Variants in NIPSNAP2 observed in about 807,000 individuals in gnomAD.
NIPSNAP2 encodes nipsnap homolog 2, also known as protein NipSnap homolog 2.
NIPSNAP2 carries 42 observed loss-of-function variants against 48.4 expected under a neutral mutation model. That is an observed-to-expected ratio of 0.87 (90% CI 0.68 to 1.12). NIPSNAP2 has a LOEUF of 1.12. Among genes scored for constraint, NIPSNAP2 ranks in the 50% most tolerant of loss-of-function variants. NIPSNAP2 has a pLI of 0.00. For synonymous variants in NIPSNAP2, 158 were observed against 126.6 expected (o/e 1.25, Z -1.67); for missense variants, 314 against 347.3 (o/e 0.90, Z 0.76).
At chr7:55,988,619 C>G (rs999087275) in intron 7 of NIPSNAP2, among the ~76,000 whole-genome samples, 1 of 151,988 alleles carries the variant, frequency 6.6e-6, no homozygotes, top group Non-Finnish European at 1.5e-5. Flanking sequence ...CAGCACTTAA[C>G]GAGGCTGAGG....
rs1475103395 is a variant in NIPSNAP2 at position 55,964,670 on chromosome 7, G to A, written c.61G>A (p.Ala21Thr). 3.7e-5 allele frequency: 42 copies of A among 1,120,280 alleles called. No homozygotes were observed. The highest frequency in any genetic ancestry group is 5.0e-5 in the Admixed American group (1 of 20,056). The allele number at this position is 1,120,280 out of a possible 1,614,324, so 69.4% of individuals were successfully genotyped here. Residue 21 changes from alanine (A) to threonine (T), a missense_variant, in exon 1 of 10, where the codon GCG (alanine) becomes ACG (threonine). Coordinates refer to ENST00000322090, the MANE Select transcript of NIPSNAP2 (RefSeq NM_001483.3). Reference sequence around the variant, plus strand: ...CTGGGCCGGCGGCCTCCTGCAGCGGGCGGCCCCCTGCAGCCTCCTGCCCAG... The same window carrying A: ...CTGGGCCGGCGGCCTCCTGCAGCGGACGGCCCCCTGCAGCCTCCTGCCCAG... Reference protein sequence around the residue: ...AAWAGGLLQRAAPCSLLPRLR... With the variant: ...AAWAGGLLQRTAPCSLLPRLR...
intron 1 of NIPSNAP2, among the ~76,000 whole-genome samples, chr7:55,965,554 T>C (rs1483177039): frequency 2.0e-5 from 3 of 151,792 alleles, no homozygotes; most frequent in African/African-American, 7.3e-5. Context: ...AGTAACATGG[T>C]TTATTATTAT....
intron 9 of NIPSNAP2, among the ~76,000 whole-genome samples, chr7:55,998,019 G>T: frequency 6.6e-6 from 1 of 152,148 alleles, no homozygotes; most frequent in East Asian, 1.9e-4. Flanking sequence ...CAGCCATGTT[G>T]CATGGCAAGT....
At chr7:55,970,879 C>G (rs1276561395) in intron 1 of NIPSNAP2, among the ~76,000 whole-genome samples, 1 of 152,126 alleles carries the variant, frequency 6.6e-6, no homozygotes, top group Non-Finnish European at 1.5e-5. Flanking sequence ...CCTGCACCTC[C>G]CAGGCCAAGC....
chr7:55,985,799 A>G (rs939920204), intron 7 of NIPSNAP2, among the ~76,000 whole-genome samples: 5 of 151,378 alleles, frequency 3.3e-5, no homozygotes, highest in African/African-American at 4.8e-5. Context: ...TGTAATCTCA[A>G]CACATTGGGA....
At chr7:55,987,937 C>G (rs889798470) in intron 7 of NIPSNAP2, among the ~76,000 whole-genome samples, 1 of 152,014 alleles carries the variant, frequency 6.6e-6, no homozygotes, top group Non-Finnish European at 1.5e-5. Context: ...ATGGTAAATT[C>G]AATGTTAACG....
At chr7:55,981,401 C>A in intron 3 of NIPSNAP2, 72 bp from the exon 4 acceptor site, 1 of 998,314 alleles carries the variant, frequency 1.0e-6, no homozygotes, top group South Asian at 1.3e-5. Context: ...TTTCCTGTTA[C>A]TGATCAGGTG....
intron 1 of NIPSNAP2, among the ~76,000 whole-genome samples, chr7:55,966,101 G>A (rs1786888839): frequency 6.6e-6 from 1 of 152,164 alleles, no homozygotes; most frequent in African/African-American, 2.4e-5. Context: ...AGGAGGGCTG[G>A]GGAAGAAGAA....
At chr7:55,993,939 AAGC>A (rs1562769302) in intron 7 of NIPSNAP2, among the ~76,000 whole-genome samples, 1 of 151,984 alleles carries the variant, frequency 6.6e-6, no homozygotes, top group Non-Finnish European at 1.5e-5. Context: ...AAAAAAAAAA[AAGC>A]AAGAGGCAGC....
chr7:55,972,130 A>C (rs983229903), intron 1 of NIPSNAP2, among the ~76,000 whole-genome samples: 6 of 152,016 alleles, frequency 3.9e-5, no homozygotes, highest in Non-Finnish European at 7.4e-5. Flanking sequence ...ACATGGTGAA[A>C]ACCCACCTCT....
At chr7:55,990,526 T>C (rs1787421441) in intron 7 of NIPSNAP2, among the ~76,000 whole-genome samples, 1 of 152,036 alleles carries the variant, frequency 6.6e-6, no homozygotes, top group African/African-American at 2.4e-5. Flanking sequence ...CCACCGTGCC[T>C]AGCCTGTTTT....
chr7:55,987,260 A>G lies in NIPSNAP2; in HGVS notation c.617+2382A>G, dbSNP rs369988932. On this transcript the variant is annotated intron_variant, in intron 7 of 9. Coordinates refer to ENST00000322090, the MANE Select transcript of NIPSNAP2 (RefSeq NM_001483.3). ...AGATCTCAAAAAGATTCGCATACCC[A>G]TGTTTATCATAGCTTTATTTGCAGT... is the stretch of plus-strand genomic sequence containing the variant. Among the ~76,000 whole-genome samples the G allele has an allele frequency of 7.9e-5, 12 of 152,300 alleles. No individual in the cohort carries two copies. The East Asian group carries it at 9.6e-4, about 12-fold the overall frequency.
chr7:55,967,988 T>G (rs1015823661), intron 1 of NIPSNAP2, among the ~76,000 whole-genome samples: 1 of 151,314 alleles, frequency 6.6e-6, no homozygotes, highest in Non-Finnish European at 1.5e-5. Flanking sequence ...GGGGTCTTGC[T>G]ATGTTCCCCA....
intron 1 of NIPSNAP2, among the ~76,000 whole-genome samples, chr7:55,970,332 G>A (rs1786994493): frequency 1.4e-5 from 2 of 146,274 alleles, no homozygotes; most frequent in African/African-American, 5.1e-5. Context: ...TTTTTGAAAC[G>A]GAGTCTTGCA....
intron 6 of NIPSNAP2, 130 bp from the exon 7 acceptor site, chr7:55,984,717 C>CAA (rs34985300): frequency 1.4e-3 from 682 of 492,396 alleles, no homozygotes; most frequent in African/African-American, 4.2e-3. Flanking sequence ...GATTCTGTCT[C>CAA]AAAAAAAAAA....
chr7:55,966,661 A>G (rs1453444820), intron 1 of NIPSNAP2, among the ~76,000 whole-genome samples: 1 of 152,150 alleles, frequency 6.6e-6, no homozygotes, highest in Non-Finnish European at 1.5e-5. Context: ...ACACGCCTGT[A>G]GTCCCAGCTA....
intron 1 of NIPSNAP2, among the ~76,000 whole-genome samples, chr7:55,970,453 C>T (rs1364827101): frequency 3.3e-5 from 5 of 151,808 alleles, no homozygotes; most frequent in African/African-American, 4.8e-5. Context: ...GGACTACAGG[C>T]GTCCACCACC....
chr7:55,971,135 TAAG>T (rs766315943), intron 1 of NIPSNAP2, among the ~76,000 whole-genome samples: 1 of 152,182 alleles, frequency 6.6e-6, no homozygotes, highest in East Asian at 1.9e-4. Flanking sequence ...CACTGTCAGT[TAAG>T]AACCCAGGCC....
chr7:55,997,083 TA>T (rs751958224), intron 8 of NIPSNAP2, among the ~76,000 whole-genome samples: 21 of 151,010 alleles, frequency 1.4e-4, no homozygotes, highest in African/African-American at 5.1e-4. Flanking sequence ...CACTTGAGCC[TA>T]GGAGGTCAAG....
Sources: allele counts gnomAD v4.1 joint callset (sites outside exome capture counted in the v4.1 genomes callset), GRCh38; gene constraint gnomAD v4.1.1; transcripts MANE v1.5; gene names NCBI Gene and HGNC (gene_info 2026-07-23, HGNC 2026-07-21).